NMNAT2: variants seen among roughly 807,000 people sequenced by gnomAD.
The protein encoded by NMNAT2 is nicotinamide nucleotide adenylyltransferase 2.
In NMNAT2, 11 loss-of-function variants were observed where a neutral mutation model predicts 41.6. The ratio of observed to expected loss-of-function variants is 0.26; its 90% CI spans 0.17 to 0.44. NMNAT2 has a LOEUF of 0.44. Ranked by LOEUF, NMNAT2 falls within the 20% of genes least tolerant of loss-of-function variation. The pLI is 1.00. For synonymous variants in NMNAT2, 148 were observed against 151.2 expected, an observed-to-expected ratio of 0.98 and a Z score of 0.16; for missense variants, 288 against 407.7, an observed-to-expected ratio of 0.71 and a Z score of 2.53.
In NMNAT2 at chr1:183,292,709, G is replaced by A. The variant is rs970153523; in HGVS notation, c.242+81C>T. On this transcript the variant is annotated intron_variant, in intron 3 of 10. Coordinates refer to ENST00000287713, the MANE Select transcript of NMNAT2 (RefSeq NM_015039.4). ...CCATCCTTTCAGGATCCAAATTACT[G>A]CTGGAACTCTTCTTTTTTCCCCACC... The A allele has an allele frequency of 5.4e-6, 7 of 1,306,456 alleles. No homozygotes were observed. The Admixed American group carries it at 9.7e-5, about 18-fold the overall frequency. The allele number at this position is 1,306,456 out of a possible 1,614,324, so 80.9% of individuals were successfully genotyped here.
At chr1:183,270,043 C>T (rs900469743) in intron 8 of NMNAT2, among the ~76,000 whole-genome samples, 4 of 152,112 alleles carry the variant, frequency 2.6e-5, no homozygotes, top group African/African-American at 9.7e-5. Flanking sequence ...GCAACCACGC[C>T]CGGCTAATTT....
At chr1:183,418,147 C>A (rs1454970645) in intron 1 of NMNAT2, 36 bp downstream of exon 1, 3 of 1,580,830 alleles carry the variant, frequency 1.9e-6, no homozygotes, top group Admixed American at 1.7e-5. Context: ...AGGAGAGGAG[C>A]GGAAGCGGCT....
intron 1 of NMNAT2, among the ~76,000 whole-genome samples, chr1:183,378,109 A>T (rs1289007109): frequency 6.6e-6 from 1 of 152,156 alleles, no homozygotes; most frequent in African/African-American, 2.4e-5. Context: ...AAATAAAAAT[A>T]GTCTGGGTGC....
chr1:183,347,406 T>G (rs1486225117), intron 1 of NMNAT2, among the ~76,000 whole-genome samples: 1 of 152,112 alleles, frequency 6.6e-6, no homozygotes, highest in African/African-American at 2.4e-5. Flanking sequence ...CAGTAAGTCA[T>G]GATCGTACCA....
chr1:183,366,129 T>G (rs1038835685), intron 1 of NMNAT2, among the ~76,000 whole-genome samples: 1 of 152,208 alleles, frequency 6.6e-6, no homozygotes, highest in African/African-American at 2.4e-5. Flanking sequence ...TGGCTCCCAA[T>G]CTACTAACTA....
chr1:183,388,587 G>A (rs1383376806), intron 1 of NMNAT2, among the ~76,000 whole-genome samples: 1 of 152,158 alleles, frequency 6.6e-6, no homozygotes, highest in Non-Finnish European at 1.5e-5. Flanking sequence ...ATAAAAAACT[G>A]TTAAATGTTT....
chr1:183,361,653 A>G (rs1663309163), intron 1 of NMNAT2, among the ~76,000 whole-genome samples: 1 of 152,110 alleles, frequency 6.6e-6, no homozygotes, highest in African/African-American at 2.4e-5. Context: ...TGTGTCTCCT[A>G]TTGACTGGAT....
chr1:183,378,366 C>T (rs1384651309), intron 1 of NMNAT2, among the ~76,000 whole-genome samples: 1 of 151,370 alleles, frequency 6.6e-6, no homozygotes, highest in Non-Finnish European at 1.5e-5. Flanking sequence ...TGCACTCCAG[C>T]CTGGGCAACA....
chr1:183,282,204 G>C (rs1485603048), intron 7 of NMNAT2, among the ~76,000 whole-genome samples: 2 of 152,186 alleles, frequency 1.3e-5, no homozygotes, highest in Non-Finnish European at 2.9e-5. Flanking sequence ...CCCTCTCAGC[G>C]AGCACAGGGG....
chr1:183,300,214 C>T (rs1021888242), intron 1 of NMNAT2, among the ~76,000 whole-genome samples: 12 of 152,026 alleles, frequency 7.9e-5, no homozygotes, highest in African/African-American at 2.9e-4. Context: ...CCAGCCCGGC[C>T]AATATGGTGA....
intron 1 of NMNAT2, among the ~76,000 whole-genome samples, chr1:183,328,958 T>C (rs1298612493): frequency 6.6e-6 from 1 of 152,138 alleles, no homozygotes; most frequent in Non-Finnish European, 1.5e-5. Flanking sequence ...TTGTCTGTTT[T>C]TGTGCTGTGC....
chr1:183,348,424 G>T (rs1329741814), intron 1 of NMNAT2, among the ~76,000 whole-genome samples: 1 of 152,142 alleles, frequency 6.6e-6, no homozygotes, highest in Non-Finnish European at 1.5e-5. Flanking sequence ...GAGCTCCCCT[G>T]TATATAAGGA....
chr1:183,252,412 C>T lies in NMNAT2; in HGVS notation c.*229G>A, dbSNP rs1660412255. 2.1e-6 allele frequency: 1 copy of T among 472,970 alleles called. No homozygotes were observed. Among genetic ancestry groups the T allele is most frequent in the African/African-American group, 2.0e-5 (1 of 49,984 alleles). 29.3% of individuals were successfully genotyped at this position (472,970 alleles called of 1,614,324 possible). A position where few individuals can be genotyped will look rare whatever the true frequency, so the allele number is the denominator to read the frequency against. On this transcript the variant is annotated 3_prime_UTR_variant, in exon 11 of 11. Coordinates refer to ENST00000287713, the MANE Select transcript of NMNAT2 (RefSeq NM_015039.4). ...GACTGCACTTCCCCCGACTCCCACC[C>T]CATTCCCTCACCCACCCCCAACCCG...
At chr1:183,329,803 T>C (rs1460069233) in intron 1 of NMNAT2, among the ~76,000 whole-genome samples, 1 of 152,166 alleles carries the variant, frequency 6.6e-6, no homozygotes, top group Non-Finnish European at 1.5e-5. Context: ...AAGCATCCGG[T>C]GTTAGAGAGG....
At chr1:183,413,619 T>C (rs1309294832) in intron 1 of NMNAT2, among the ~76,000 whole-genome samples, 1 of 145,076 alleles carries the variant, frequency 6.9e-6, no homozygotes, top group Non-Finnish European at 1.5e-5. Context: ...TTTTTTTTTT[T>C]TTTTTGAGAC....
intron 1 of NMNAT2, among the ~76,000 whole-genome samples, chr1:183,410,846 T>C (rs1381425619): frequency 1.3e-5 from 2 of 151,918 alleles, no homozygotes; most frequent in South Asian, 4.2e-4. Flanking sequence ...GCCTCCCAAG[T>C]AGCTGGGACT....
intron 1 of NMNAT2, among the ~76,000 whole-genome samples, chr1:183,296,262 A>G (rs1661694658): frequency 6.6e-6 from 1 of 152,236 alleles, no homozygotes; most frequent in Admixed American, 6.5e-5. Context: ...TAGTGATTAT[A>G]AATAAAGCTG....
chr1:183,410,301 C>A (rs190674561), intron 1 of NMNAT2, among the ~76,000 whole-genome samples: 2 of 150,550 alleles, frequency 1.3e-5, no homozygotes, highest in African/African-American at 4.9e-5. Flanking sequence ...CTAGCCTGGG[C>A]GGCAGAGTGA....
chr1:183,414,006 C>T (rs193230737), intron 1 of NMNAT2, among the ~76,000 whole-genome samples: 33 of 152,306 alleles, frequency 2.2e-4, no homozygotes, highest in African/African-American at 7.9e-4. Flanking sequence ...ATATTAACCA[C>T]CCGACCTGAA....
Sources: allele counts gnomAD v4.1 joint callset (sites outside exome capture counted in the v4.1 genomes callset), GRCh38; gene constraint gnomAD v4.1.1; transcripts MANE v1.5; gene names NCBI Gene and HGNC (gene_info 2026-07-23, HGNC 2026-07-21).